The following ZNF420 variants were observed in gnomAD, a reference collection of about 807,000 sequenced individuals.
ZNF420 encodes the protein ATM and p53-associated KZNF protein.
Under a neutral mutation model 44.7 loss-of-function variants are expected in ZNF420, and 31 were observed. The ratio of observed to expected loss-of-function variants is 0.69; its 90% confidence interval spans 0.52 to 0.94. The LOEUF (loss-of-function observed/expected upper bound fraction) is 0.94, where lower values mean the gene tolerates loss of function less well. Ranked by LOEUF, ZNF420 falls within the 40% of genes least tolerant of loss-of-function variation. ZNF420 has a pLI of 0.00. For synonymous variants in ZNF420, 245 were observed against 267.4 expected (o/e 0.92, Z 0.82); for missense variants, 681 against 827.9 (o/e 0.82, Z 2.18).
chr19:37,111,768 G>A (rs1599700341), intron 4 of ZNF420: 2 of 152,140 alleles, frequency 1.3e-5, no homozygotes, highest in Non-Finnish European at 2.9e-5. Flanking sequence ...GGCTGGTATA[G>A]TAAAGGCAAA....
At chr19:37,103,106 C>G (rs1398546645) in intron 4 of ZNF420, among the ~76,000 whole-genome samples, 1 of 152,020 alleles carries the variant, frequency 6.6e-6, no homozygotes, top group Non-Finnish European at 1.5e-5. Context: ...AATAAATGCA[C>G]TTAAGACTGT....
intron 1 of ZNF420, among the ~76,000 whole-genome samples, chr19:37,061,875 G>A (rs1174827098): frequency 6.6e-6 from 1 of 152,162 alleles, no homozygotes; most frequent in Non-Finnish European, 1.5e-5. Flanking sequence ...AGTTTCTGAG[G>A]AAGAAATGAG....
chr19:37,039,361 C>T (rs1599609953), intron 1 of ZNF420, among the ~76,000 whole-genome samples: 1 of 152,268 alleles, frequency 6.6e-6, no homozygotes, highest in East Asian at 1.9e-4. Flanking sequence ...ACACCCAATC[C>T]ATGGGATACA....
chr19:37,125,458 T>A (rs79942292), intron 4 of ZNF420, among the ~76,000 whole-genome samples: 2 of 152,172 alleles, frequency 1.3e-5, no homozygotes, highest in African/African-American at 4.8e-5. Context: ...AAGGAAGTTA[T>A]AGGGAAACCA....
chr19:37,115,652 T>C (rs920666605), intron 4 of ZNF420, among the ~76,000 whole-genome samples: 9 of 151,838 alleles, frequency 5.9e-5, no homozygotes, highest in African/African-American at 2.2e-4. Flanking sequence ...GACATTCTAT[T>C]GCCCAGGGAC....
At chr19:37,059,906 C>T (rs764688842) in intron 1 of ZNF420, among the ~76,000 whole-genome samples, 53 of 151,698 alleles carry the variant, frequency 3.5e-4, no homozygotes, top group Non-Finnish European at 7.2e-4. Context: ...TCTCTCTCTC[C>T]CTCTGTCTGT....
At chr19:37,085,137 C>T (rs554912720) in intron 2 of ZNF420, among the ~76,000 whole-genome samples, 3 of 152,278 alleles carry the variant, frequency 2.0e-5, no homozygotes, top group South Asian at 2.1e-4. Flanking sequence ...TGTTGCAGCT[C>T]ACAGAATCTG....
chr19:37,010,342 G>T (rs1028524195), intron 1 of ZNF420, among the ~76,000 whole-genome samples: 4 of 151,852 alleles, frequency 2.6e-5, no homozygotes, highest in Admixed American at 1.3e-4. Context: ...CGGTGTTCAA[G>T]TGAGTCTCCC....
At chr19:37,092,805 A>G (rs1969230844) in intron 4 of ZNF420, among the ~76,000 whole-genome samples, 1 of 152,184 alleles carries the variant, frequency 6.6e-6, no homozygotes, top group Non-Finnish European at 1.5e-5. Flanking sequence ...GGCATTCTCA[A>G]GATTTGAAGG....
intron 4 of ZNF420, among the ~76,000 whole-genome samples, chr19:37,113,102 C>T (rs1313815272): frequency 2.6e-5 from 4 of 152,164 alleles, no homozygotes; most frequent in Non-Finnish European, 5.9e-5. Context: ...CAGTTTGTTG[C>T]GGGGCCTGAG....
At chr19:37,112,849 G>C (rs114845469) in intron 4 of ZNF420, among the ~76,000 whole-genome samples, 2,063 of 152,312 alleles carry the variant, frequency 0.014, 54 homozygotes, top group African/African-American at 0.047. Flanking sequence ...CGATCTTCCT[G>C]AGATTAGTCC....
intron 1 of ZNF420, among the ~76,000 whole-genome samples, chr19:37,073,078 C>T (rs1968085221): frequency 6.6e-6 from 1 of 152,062 alleles, no homozygotes; most frequent in Non-Finnish European, 1.5e-5. Context: ...GCCAGGGTGG[C>T]TCATGCTTAT....
intron 1 of ZNF420, among the ~76,000 whole-genome samples, chr19:37,040,467 T>C: frequency 6.6e-6 from 1 of 152,164 alleles, no homozygotes; most frequent in Admixed American, 6.5e-5. Flanking sequence ...TTTTTTAATA[T>C]TATAGAATTG....
intron 1 of ZNF420, among the ~76,000 whole-genome samples, chr19:37,059,638 A>G (rs1293907004): frequency 6.6e-6 from 1 of 152,112 alleles, no homozygotes; most frequent in Admixed American, 6.6e-5. Flanking sequence ...GAGTCTCCGC[A>G]AAAGTCGTGC....
chr19:37,123,635 G>A (rs1200309782), intron 4 of ZNF420, among the ~76,000 whole-genome samples: 11 of 113,762 alleles, frequency 9.7e-5, no homozygotes, highest in Non-Finnish European at 1.5e-4. Context: ...GCGGAGTCTC[G>A]CTCTGTCACC....
intron 1 of ZNF420, among the ~76,000 whole-genome samples, chr19:37,017,672 A>T (rs2074617869): frequency 2.0e-5 from 3 of 152,234 alleles, no homozygotes. Flanking sequence ...AACTACGTCA[A>T]CATAATAAAA....
chr19:37,014,428 C>T (rs1027720919), intron 1 of ZNF420, among the ~76,000 whole-genome samples: 3 of 152,170 alleles, frequency 2.0e-5, no homozygotes, highest in Non-Finnish European at 2.9e-5. Context: ...CCTTCCAATC[C>T]GGAATCGGAG....
In ZNF420 at chr19:37,130,091, C is replaced by T. The variant is rs930131126; in HGVS notation, c.*1033C>T. 2.1e-5 allele frequency: 33 copies of T among 1,550,156 alleles called. No individual in the cohort carries two copies. Among genetic ancestry groups the T allele is most frequent in the African/African-American group, 5.5e-5 (4 of 72,962 alleles). Reference sequence around the variant, plus strand: ...GATATTTATATGAGTAGGAGATTTACGAAATCCATTTTTCCTGTCTTTTTT... The same window carrying T: ...GATATTTATATGAGTAGGAGATTTATGAAATCCATTTTTCCTGTCTTTTTT... On this transcript the variant is annotated 3_prime_UTR_variant, in exon 5 of 5. Transcript: ENST00000337995.
At chr19:37,061,781 A>T (rs1012464118) in intron 1 of ZNF420, among the ~76,000 whole-genome samples, 4 of 152,208 alleles carry the variant, frequency 2.6e-5, no homozygotes, top group Non-Finnish European at 5.9e-5. Flanking sequence ...AAATTGAGGC[A>T]TCCACATATC....
Sources: gnomAD v4.1 joint callset for allele counts (sites outside exome capture counted in the v4.1 genomes callset) on GRCh38, gnomAD v4.1.1 for gene constraint, MANE v1.5 for transcripts, NCBI Gene and HGNC (gene_info 2026-07-23, HGNC 2026-07-21) for gene names.